The following FLT3 variants were observed in gnomAD, a reference collection of about 807,000 sequenced individuals.
FLT3 encodes fms related receptor tyrosine kinase 3, also known as receptor-type tyrosine-protein kinase FLT3.
A neutral mutation model predicts 126.6 loss-of-function variants in FLT3; 46 were observed. That is an observed-to-expected ratio of 0.36 (90% CI 0.29 to 0.46). FLT3 has a LOEUF of 0.46. Ranked by LOEUF, FLT3 falls within the 20% of genes least tolerant of loss-of-function variation. The pLI is 1.00. For missense variants in FLT3, 1,069 were observed against 1,190.3 expected, an observed-to-expected ratio of 0.90 and a Z score of 1.50; for synonymous variants, 404 against 434.4, an observed-to-expected ratio of 0.93 and a Z score of 0.87.
chr13:28,062,651 G>A (rs1593277555), intron 2 of FLT3, among the ~76,000 whole-genome samples: 1 of 146,772 alleles, frequency 6.8e-6, no homozygotes, highest in East Asian at 2.0e-4. Context: ...GGCTGAGGCA[G>A]GAGAATGGCT....
intron 23 of FLT3, among the ~76,000 whole-genome samples, chr13:28,012,804 G>T (rs539736217): frequency 9.2e-5 from 14 of 152,200 alleles, no homozygotes; most frequent in Non-Finnish European, 1.8e-4. Flanking sequence ...GGGTCCGGTG[G>T]TGTGTGCCTG....
At chr13:28,089,007 A>C (rs894496152) in intron 1 of FLT3, among the ~76,000 whole-genome samples, 3 of 152,344 alleles carry the variant, frequency 2.0e-5, no homozygotes, top group East Asian at 3.9e-4. Flanking sequence ...TAATAATAAA[A>C]CAAACACTCC....
Position 28,048,434 on chromosome 13 carries a change from A to T in FLT3, c.1046T>A (p.Phe349Tyr), listed in dbSNP as rs537215681. ...SALVTIVEKG[F>Y]INATNSSEDY... ...TTCACTTGAATTGGTAGCATTTATA[A>T]ATCCCTTTTCTGTAAGAAAAAATAG... is the stretch of plus-strand genomic sequence containing the variant. The change falls in exon 9 of 24, where the codon TTT (phenylalanine) becomes TAT (tyrosine). Residue 349 changes from phenylalanine (F) to tyrosine (Y), a missense_variant. Phe to Tyr is a conservative substitution (Grantham distance 22, BLOSUM62 3). Transcript: ENST00000241453. The T allele has an allele frequency of 1.3e-4, 203 of 1,600,034 alleles. 4 individuals are homozygous for T. The South Asian group carries it at 2.1e-3, about 17-fold the overall frequency.
chr13:28,014,491 AG>A lies in FLT3; in HGVS notation c.2819del (p.Thr940IlefsTer4). The A allele has an allele frequency of 6.2e-7, 1 of 1,613,956 alleles. No homozygotes were observed. The highest frequency in any genetic ancestry group is 1.7e-5 in the Admixed American group (1 of 60,024). Reference protein sequence around the residue: ...SRKRPSFPNLTSFLGCQLADA... With the variant: ...SRKRPSFPNLXSFLGCQLADA... ...CTGCCAGCTGACATCCTAAAAACGA[AG>A]TCAAATTAGGGAAGGATGGCCGTTT... is the stretch of plus-strand genomic sequence containing the variant. On this transcript the variant is annotated frameshift_variant, in exon 23 of 24. Coordinates refer to ENST00000241453, the MANE Select transcript of FLT3 (RefSeq NM_004119.3). LOFTEE classifies it low-confidence loss of function (END_TRUNC).
Position 28,061,860 on chromosome 13 carries a change from C to T in FLT3, c.368+7G>A, listed in dbSNP as rs748664578. ...ATTTTATGTCAAGAAGGTATTCCTCCACTTACCTGTTTTGTAAATCAAAAT... is the reference window on the plus strand; with the variant it reads ...ATTTTATGTCAAGAAGGTATTCCTCTACTTACCTGTTTTGTAAATCAAAAT... On this transcript the variant is annotated splice_region_variant and intron_variant, in intron 3 of 23. Transcript: ENST00000241453. The T allele has an allele frequency of 2.1e-5, 33 of 1,607,174 alleles. No homozygotes were observed. Among genetic ancestry groups the T allele is most frequent in the South Asian group, 1.2e-4 (11 of 90,850 alleles).
chr13:28,064,609 G>C (rs1373772245), intron 2 of FLT3, among the ~76,000 whole-genome samples: 1 of 152,036 alleles, frequency 6.6e-6, no homozygotes, highest in Non-Finnish European at 1.5e-5. Flanking sequence ...AAGCATATGA[G>C]AAAATATTAA....
intron 9 of FLT3, 108 bp from the exon 10 acceptor site, chr13:28,037,396 C>T: frequency 1.4e-6 from 1 of 700,362 alleles, no homozygotes; most frequent in African/African-American, 1.8e-5. Context: ...TCCTCACTTG[C>T]TAAAGTTCAC....
intron 9 of FLT3, among the ~76,000 whole-genome samples, chr13:28,038,465 T>TC (rs1874040439): frequency 6.6e-6 from 1 of 151,884 alleles, no homozygotes; most frequent in Admixed American, 6.6e-5. Flanking sequence ...TTTTTTTTTT[T>TC]TTCTTGAGAC....
In FLT3 at chr13:28,034,205, A is replaced by G. The variant is rs1208575764; in HGVS notation, c.1714T>C (p.Tyr572His). Residue 572 changes from tyrosine to histidine, a missense_variant, in exon 14 of 24, where the codon TAT becomes CAT. Transcript: ENST00000241453. ...ICHKYKKQFRYESQLQMVQVT... is the reference protein window; with the variant it reads ...ICHKYKKQFRHESQLQMVQVT... ...TGTACCATCTGTAGCTGGCTTTCAT[A>G]CCTAAATTGCTTCAGAGATGAAATG... The G allele has an allele frequency of 6.2e-7, 1 of 1,614,020 alleles. No individual in the cohort carries two copies. Among genetic ancestry groups the G allele is most frequent in the Admixed American group, 1.7e-5 (1 of 59,994 alleles).
chr13:28,075,772 T>G (rs1877887107), intron 1 of FLT3, among the ~76,000 whole-genome samples: 1 of 149,754 alleles, frequency 6.7e-6, no homozygotes, highest in Admixed American at 6.8e-5. Flanking sequence ...TTTTTCATGT[T>G]GAGACATCTA....
chr13:28,026,097 T>C (rs1872773803), intron 17 of FLT3, among the ~76,000 whole-genome samples: 1 of 152,072 alleles, frequency 6.6e-6, no homozygotes, highest in Non-Finnish European at 1.5e-5. Context: ...ATGCCTATAA[T>C]TCCAGCACTT....
chr13:28,072,632 G>C (rs113935225), intron 1 of FLT3, among the ~76,000 whole-genome samples: 26,915 of 152,222 alleles, frequency 0.18, 2,448 homozygotes, highest in Middle Eastern at 0.26. Flanking sequence ...CTGGCCTCAA[G>C]TGATTCAGCT....
chr13:28,004,234 C>T (rs756496622), intron 23 of FLT3, 60 bp from the exon 24 acceptor site: 131 of 1,517,526 alleles, frequency 8.6e-5, no homozygotes, highest in African/African-American at 1.6e-4. Context: ...ACATGTTATG[C>T]GCCCATATTA....
chr13:28,084,540 G>T (rs909059132), intron 1 of FLT3, among the ~76,000 whole-genome samples: 4 of 151,912 alleles, frequency 2.6e-5, no homozygotes, highest in Admixed American at 2.0e-4. Context: ...TCTAATTTTT[G>T]TAGAGATGGG....
At chr13:28,075,957 G>A (rs1273021633) in intron 1 of FLT3, among the ~76,000 whole-genome samples, 2 of 151,680 alleles carry the variant, frequency 1.3e-5, no homozygotes, top group African/African-American at 4.8e-5. Flanking sequence ...CACCACACCC[G>A]GCTAATTTTT....
At chr13:28,085,110 G>A (rs982920798) in intron 1 of FLT3, among the ~76,000 whole-genome samples, 6 of 151,968 alleles carry the variant, frequency 3.9e-5, no homozygotes, top group Admixed American at 6.6e-5. Context: ...TTGGGAGGCC[G>A]ACACGAGCGG....
Position 28,100,397 on chromosome 13 carries a change from G to A in FLT3, c.43+71C>T. The A allele has an allele frequency of 9.2e-7, 1 of 1,087,558 alleles. No individual in the cohort carries two copies. Among genetic ancestry groups the A allele is most frequent in the Non-Finnish European group, 1.2e-6 (1 of 860,750 alleles). 67.4% of individuals were successfully genotyped at this position (1,087,558 alleles called of 1,614,324 possible). On this transcript the variant is annotated intron_variant, in intron 1 of 23. Transcript: ENST00000241453. The surrounding 1 kb of genome is among the most constrained non-coding windows in gnomAD (Gnocchi z 4.8). The stretch of plus-strand genomic sequence containing the variant: ...GGCGGCTGGGCCGGAGGAGGCGCGC[G>A]CCCGGGTCCACACTGCGGGGTGGGG...
intron 1 of FLT3, among the ~76,000 whole-genome samples, chr13:28,077,537 C>A (rs555930476): frequency 6.6e-6 from 1 of 152,196 alleles, no homozygotes; most frequent in East Asian, 1.9e-4. Flanking sequence ...TCAATTACCT[C>A]CCCCTGGGTC....
At chr13:28,016,566 G>C (rs1871882563) in intron 20 of FLT3, among the ~76,000 whole-genome samples, 1 of 152,172 alleles carries the variant, frequency 6.6e-6, no homozygotes, top group Non-Finnish European at 1.5e-5. Context: ...ACCACACCTG[G>C]CTGTACTGAT....
Sources: allele counts gnomAD v4.1 joint callset (sites outside exome capture counted in the v4.1 genomes callset), GRCh38; gene constraint gnomAD v4.1.1; non-coding constraint Gnocchi (gnomAD v3.1); transcripts MANE v1.5; gene names NCBI Gene and HGNC (gene_info 2026-07-23, HGNC 2026-07-21).